WFDC10B: variants seen among roughly 807,000 people sequenced by gnomAD.
The protein encoded by WFDC10B is protein WFDC10B.
Under a neutral mutation model 2.7 loss-of-function variants are expected in WFDC10B, and 1 was observed. That is an observed-to-expected ratio of 0.38 (90% CI 0.13 to 1.79). WFDC10B has a LOEUF of 1.79. Among genes scored for constraint, WFDC10B ranks in the 40% most tolerant of loss-of-function variants. The probability of loss-of-function intolerance (pLI) is 0.33; values close to 1 mark genes in which losing one functional copy is unlikely to be tolerated. For missense variants in WFDC10B, 71 were observed against 87.8 expected, an observed-to-expected ratio of 0.81 and a Z score of 0.76; for synonymous variants, 26 against 32.2, an observed-to-expected ratio of 0.81 and a Z score of 0.65.
At position 45,692,311 on chromosome 20, in the gene WFDC10B, G is replaced by T. The variant is rs540234846; in HGVS notation, c.-64-6255C>A. Among the ~76,000 whole-genome samples, 1,037 of 151,984 alleles carry T rather than the reference G, an allele frequency of 6.8e-3. 15 individuals carry two copies. Among genetic ancestry groups the T allele is most frequent in the African/African-American group, 0.024 (990 of 41,418 alleles). ...ACTTTGGTGAATCTGACAATTATGT[G>T]TCTTGGAGTTGCTCTTCTCGAGGAG... On this transcript the variant is annotated intron_variant, in intron 2 of 3. Transcript: ENST00000330523.
At chr20:45,689,684 T>C (rs1487794032) in intron 2 of WFDC10B, among the ~76,000 whole-genome samples, 2 of 152,208 alleles carry the variant, frequency 1.3e-5, no homozygotes, top group South Asian at 4.1e-4. Flanking sequence ...TTTTTGAACA[T>C]TGATTTTCTA....
chr20:45,686,000 A>C lies in WFDC10B; in HGVS notation c.-8T>G. The C allele has an allele frequency of 6.2e-7, 1 of 1,613,648 alleles. No homozygotes were observed. Among genetic ancestry groups the C allele is most frequent in the East Asian group, 2.2e-5 (1 of 44,876 alleles). On this transcript the variant is annotated 5_prime_UTR_variant, in exon 3 of 4. Transcript: ENST00000330523. ...CAGAGTCTGGGGTGCCATAACTCTG[A>C]CCAGAGCGTGAGCCCTAAGTCTGGC...
intron 2 of WFDC10B, among the ~76,000 whole-genome samples, chr20:45,687,856 TTC>T (rs1313507572): frequency 1.4e-5 from 2 of 141,894 alleles, no homozygotes; most frequent in South Asian, 2.3e-4. Flanking sequence ...TGCTTGTCTT[TTC>T]TTTTATTATT....
rs151071475 is a variant in WFDC10B at position 45,694,244 on chromosome 20, C to T, written c.-64-8188G>A. Among the ~76,000 whole-genome samples, 74 of 152,214 alleles carry T rather than the reference C, an allele frequency of 4.9e-4. 1 individual carries two copies. The East Asian group carries it at 0.012, about 24-fold the overall frequency. ...TGAATGGTATTGCCCAGATTTTCTT[C>T]TAGAGTTTTTATAGTCTGGAGTTTT... On this transcript the variant is annotated intron_variant, in intron 2 of 3. Transcript: ENST00000330523.
chr20:45,704,428 T>C, intron 2 of WFDC10B, 69 bp downstream of exon 2: 8 of 1,607,744 alleles, frequency 5.0e-6, no homozygotes, highest in Non-Finnish European at 6.8e-6. Flanking sequence ...CTTCTCTTAC[T>C]TGTTCTGTGT....
At chr20:45,701,764 CAA>C (rs11480724) in intron 2 of WFDC10B, among the ~76,000 whole-genome samples, 8 of 89,120 alleles carry the variant, frequency 9.0e-5, no homozygotes, top group Admixed American at 1.1e-4. Flanking sequence ...TCCATCATCT[CAA>C]AAAAAAAAAA....
chr20:45,701,588 C>A (rs1482470737), intron 2 of WFDC10B, among the ~76,000 whole-genome samples: 1 of 151,812 alleles, frequency 6.6e-6, no homozygotes, highest in African/African-American at 2.4e-5. Flanking sequence ...ACAGTGAAAC[C>A]CCATCTCTAC....
intron 2 of WFDC10B, among the ~76,000 whole-genome samples, chr20:45,691,406 CT>C (rs1262821228): frequency 6.6e-6 from 1 of 150,416 alleles, no homozygotes; most frequent in African/African-American, 2.5e-5. Flanking sequence ...GACTTTCTGT[CT>C]CGTTGATCTG....
chr20:45,704,800 C>CATCCCATCACCAT, intron 1 of WFDC10B, 118 bp downstream of exon 1: 1 of 1,296,256 alleles, frequency 7.7e-7, no homozygotes, highest in Non-Finnish European at 1.1e-6. Flanking sequence ...CCAATCACCA[C>CATCCCATCACCAT]ATCCCATCAC....
intron 2 of WFDC10B, among the ~76,000 whole-genome samples, chr20:45,689,580 G>A (rs1284433591): frequency 2.0e-5 from 3 of 152,096 alleles, no homozygotes; most frequent in Non-Finnish European, 4.4e-5. Context: ...TGGATTCCTA[G>A]GTATTTTATT....
intron 2 of WFDC10B, among the ~76,000 whole-genome samples, chr20:45,689,886 G>A (rs1265267859): frequency 7.2e-5 from 11 of 152,122 alleles, no homozygotes; most frequent in Admixed American, 2.0e-4. Flanking sequence ...ATGTTGAATA[G>A]GAGTGGTGAG....
intron 2 of WFDC10B, among the ~76,000 whole-genome samples, chr20:45,689,113 CTTGT>C (rs1319282671): frequency 6.8e-6 from 1 of 147,582 alleles, no homozygotes; most frequent in Non-Finnish European, 1.5e-5. Flanking sequence ...TTCCCCATTG[CTTGT>C]TTTTCTCAGG....
At chr20:45,697,928 GA>G (rs1279679548) in intron 2 of WFDC10B, among the ~76,000 whole-genome samples, 1 of 151,504 alleles carries the variant, frequency 6.6e-6, no homozygotes, top group African/African-American at 2.4e-5. Context: ...ATTTTTAGTA[GA>G]GATGGGGTTT....
Position 45,684,681 on chromosome 20 carries a change from A to G in WFDC10B, c.*149T>C, listed in dbSNP as rs901673080. On this transcript the variant is annotated 3_prime_UTR_variant, in exon 4 of 4. Transcript: ENST00000330523. ...GGGCATTTGTTCTGGTTTATTTGAC[A>G]GGGACAGGGAGTTCAGACACTGGGG... 9.5e-7 allele frequency: 1 copy of G among 1,050,956 alleles called. No homozygotes were observed. Among genetic ancestry groups the G allele is most frequent in the Non-Finnish European group, 1.4e-6 (1 of 731,004 alleles). The allele number at this position is 1,050,956 out of a possible 1,614,324, so 65.1% of individuals were successfully genotyped here.
At chr20:45,697,418 T>C (rs1984011624) in intron 2 of WFDC10B, among the ~76,000 whole-genome samples, 1 of 138,838 alleles carries the variant, frequency 7.2e-6, no homozygotes, top group African/African-American at 2.7e-5. Flanking sequence ...AGCGTCTGGC[T>C]CTGTCACCCA....
intron 2 of WFDC10B, among the ~76,000 whole-genome samples, chr20:45,702,960 G>A (rs1443583587): frequency 6.6e-6 from 1 of 152,190 alleles, no homozygotes; most frequent in East Asian, 1.9e-4. Context: ...GGGAGGCTAG[G>A]TCCTGCTTAA....
At chr20:45,687,052 ATGTGCAGGTTTGT>A (rs1435633436) in intron 2 of WFDC10B, among the ~76,000 whole-genome samples, 1 of 152,150 alleles carries the variant, frequency 6.6e-6, no homozygotes, top group African/African-American at 2.4e-5. Flanking sequence ...CATGTGCAGG[ATGTGCAGGTTTGT>A]TGCATGTGCT....
intron 2 of WFDC10B, among the ~76,000 whole-genome samples, chr20:45,701,104 TGTGCTGTTTA>T (rs891068761): frequency 2.0e-5 from 3 of 152,254 alleles, no homozygotes; most frequent in African/African-American, 7.2e-5. Flanking sequence ...GTGCATCTAT[TGTGCTGTTTA>T]GTAGCCCAGT....
At chr20:45,687,079 G>C (rs1258786975) in intron 2 of WFDC10B, among the ~76,000 whole-genome samples, 1 of 152,102 alleles carries the variant, frequency 6.6e-6, no homozygotes, top group Non-Finnish European at 1.5e-5. Flanking sequence ...ATGTGCTGTG[G>C]GGGCTTGCTG....
Sources: gnomAD v4.1 joint callset for allele counts (sites outside exome capture counted in the v4.1 genomes callset) on GRCh38, gnomAD v4.1.1 for gene constraint, MANE v1.5 for transcripts, NCBI Gene and HGNC (gene_info 2026-07-23, HGNC 2026-07-21) for gene names.